The following HACL1 variants were observed in gnomAD, a reference collection of about 807,000 sequenced individuals.
HACL1 encodes the protein 1600020H07Rik.
Under a neutral mutation model 74.2 loss-of-function variants are expected in HACL1, and 64 were observed. The observed-to-expected ratio is 0.86, with a 90% CI of 0.70 to 1.06. The LOEUF (loss-of-function observed/expected upper bound fraction) is 1.06, where lower values mean the gene tolerates loss of function less well. HACL1 is among the 50% of genes least tolerant of loss of function. The pLI, the probability that HACL1 is intolerant of heterozygous loss-of-function variation, is 0.00. For missense variants in HACL1, 728 were observed against 719.7 expected (o/e 1.01, Z -0.13); for synonymous variants, 230 against 238.8 (o/e 0.96, Z 0.34).
At chr3:15,588,975 G>A (rs2063843587) in intron 5 of HACL1, among the ~76,000 whole-genome samples, 1 of 152,052 alleles carries the variant, frequency 6.6e-6, no homozygotes, top group African/African-American at 2.4e-5. Context: ...CCTATTTTCA[G>A]AGCTTAAAAT....
At chr3:15,561,878 C>T (rs997886663) in intron 16 of HACL1, among the ~76,000 whole-genome samples, 2 of 152,154 alleles carry the variant, frequency 1.3e-5, no homozygotes, top group Admixed American at 6.5e-5. Flanking sequence ...ACAGGTTTCA[C>T]CATGTTGGCC....
intron 13 of HACL1, 71 bp downstream of exon 13, chr3:15,568,361 C>T: frequency 5.5e-6 from 5 of 904,970 alleles, no homozygotes; most frequent in Middle Eastern, 2.3e-4. Context: ...TCTTCTTAAT[C>T]TGCACTATTA....
chr3:15,601,477 GCT>G lies in HACL1; in HGVS notation c.-16_-15del. 6.2e-7 allele frequency: 1 copy of G among 1,612,114 alleles called. No individual in the cohort carries two copies. The highest frequency in any genetic ancestry group is 1.1e-5 in the South Asian group (1 of 91,078). On this transcript the variant is annotated 5_prime_UTR_variant, in exon 1 of 17. Coordinates refer to ENST00000321169, the MANE Select transcript of HACL1 (RefSeq NM_012260.4). ...ACTGTCCGGCATCTTCCACCGAAAA[GCT>G]CTAAGCACTCACGCAGCCGGCAAAC...
chr3:15,560,878 C>T lies in HACL1; in HGVS notation c.1724G>A (p.Arg575His), dbSNP rs993720324. ...TGGCGTCTTTATTTACATATTAGAG[C>T]GGGTCAGCCAATGAAAATCCTAGAA... The part of the protein sequence containing the change: ...RKAQDFHWLT[R>H]SNM The change falls in exon 17 of 17, where the codon CGC becomes CAC. Residue 575 changes from arginine to histidine, a missense_variant. Physicochemically the swap from Arg to His is conservative, Grantham distance 29. Coordinates refer to ENST00000321169, the MANE Select transcript of HACL1 (RefSeq NM_012260.4). 4.5e-5 allele frequency: 73 copies of T among 1,606,314 alleles called. No homozygotes were observed. Among genetic ancestry groups the T allele is most frequent in the Admixed American group, 6.7e-5 (4 of 59,474 alleles).
At chr3:15,592,079 CGTATAT>C (rs201150558) in intron 3 of HACL1, among the ~76,000 whole-genome samples, 82 of 80,982 alleles carry the variant, frequency 1.0e-3, no homozygotes, top group African/African-American at 3.5e-3. Flanking sequence ...TATACGTATA[CGTATAT>C]ATACACACAC....
intron 7 of HACL1, among the ~76,000 whole-genome samples, chr3:15,584,119 A>G (rs2063754964): frequency 6.6e-6 from 1 of 152,200 alleles, no homozygotes; most frequent in Non-Finnish European, 1.5e-5. Flanking sequence ...ATTTAGACAT[A>G]TTGTCAAAAT....
In HACL1 at chr3:15,579,990, T is replaced by C. The variant is rs755458388; in HGVS notation, c.723A>G (p.Lys241=). Residue 241 remains lysine (K), a synonymous_variant, in exon 9 of 17, where the codon AAA becomes AAG. Coordinates refer to ENST00000321169, the MANE Select transcript of HACL1 (RefSeq NM_012260.4). ...CCATAGGGGTGGGCAAAAATGGCAGTTTATATTGCTCCACCAATTTCTTGA... is the reference window on the plus strand; with the variant it reads ...CCATAGGGGTGGGCAAAAATGGCAGCTTATATTGCTCCACCAATTTCTTGA... ...ESIKKLVEQY[K]LPFLPTPMGK... 1.2e-6 allele frequency: 2 copies of C among 1,609,318 alleles called. No homozygotes were observed. The highest frequency in any genetic ancestry group is 1.7e-5 in the Admixed American group (1 of 59,986).
chr3:15,564,668 G>A lies in HACL1; in HGVS notation c.1410-10C>T, dbSNP rs761964203. 6 of 1,103,912 alleles carry A rather than the reference G, an allele frequency of 5.4e-6. No individual in the cohort carries two copies. In the South Asian group the frequency reaches 8.1e-5, roughly 15 times the overall value. 68.4% of individuals were successfully genotyped at this position (1,103,912 alleles called of 1,614,324 possible). On this transcript the variant is annotated splice_polypyrimidine_tract_variant and intron_variant, in intron 14 of 16. Transcript: ENST00000321169. ...GATTGGCAAGTTGTACCTAAAGTGA[G>A]AGTAAAATATGAAGGAAATCATTCT...
At chr3:15,569,825 A>C (rs983682989) in intron 12 of HACL1, among the ~76,000 whole-genome samples, 9 of 151,432 alleles carry the variant, frequency 5.9e-5, no homozygotes, top group African/African-American at 2.2e-4. Context: ...CATCTCAAAA[A>C]AGAAAAAAAA....
intron 3 of HACL1, among the ~76,000 whole-genome samples, chr3:15,592,088 A>AGTGTG (rs1559560796): frequency 1.3e-4 from 18 of 136,090 alleles, no homozygotes; most frequent in African/African-American, 5.5e-4. Context: ...ACGTATATAT[A>AGTGTG]CACACACTAT....
Position 15,579,978 on chromosome 3 carries a change from C to T in HACL1, c.735G>A (p.Leu245=). 1 of 1,606,496 alleles carries T rather than the reference C, an allele frequency of 6.2e-7. No homozygotes were observed. The highest frequency in any genetic ancestry group is 1.1e-5 in the South Asian group (1 of 90,892). The change falls in exon 9 of 17, where the codon TTG becomes TTA. Residue 245 remains leucine (L), a synonymous_variant. Coordinates refer to ENST00000321169, the MANE Select transcript of HACL1 (RefSeq NM_012260.4). The part of the protein sequence containing the change: ...KLVEQYKLPF[L]PTPMGKGVVP... ...CAACACCCTTCCCCATAGGGGTGGGCAAAAATGGCAGTTTATATTGCTCCA... is the reference window on the plus strand; with the variant it reads ...CAACACCCTTCCCCATAGGGGTGGGTAAAAATGGCAGTTTATATTGCTCCA...
At chr3:15,592,343 G>C (rs1025810575) in intron 3 of HACL1, among the ~76,000 whole-genome samples, 2 of 138,010 alleles carry the variant, frequency 1.4e-5, no homozygotes, top group Admixed American at 7.0e-5. Context: ...CTGGGCACCA[G>C]AGTATACTCT....
intron 5 of HACL1, among the ~76,000 whole-genome samples, chr3:15,587,411 T>C (rs149765139): frequency 0.037 from 5,406 of 145,808 alleles, 148 homozygotes; most frequent in Non-Finnish European, 0.054. Context: ...GTATGAAATC[T>C]ATGAAAAGCT....
intron 9 of HACL1, among the ~76,000 whole-genome samples, chr3:15,579,157 T>C (rs2063679547): frequency 6.6e-6 from 1 of 152,190 alleles, no homozygotes; most frequent in South Asian, 2.1e-4. Flanking sequence ...CTACAGAGGA[T>C]TTTAATATGA....
intron 2 of HACL1, among the ~76,000 whole-genome samples, chr3:15,599,761 A>G (rs2064148760): frequency 6.6e-6 from 1 of 152,234 alleles, no homozygotes; most frequent in South Asian, 2.1e-4. Flanking sequence ...AGGACTGATC[A>G]ACGTGAAGAT....
intron 9 of HACL1, 74 bp from the exon 10 acceptor site, chr3:15,575,156 T>C (rs560672691): frequency 2.6e-6 from 2 of 774,720 alleles, no homozygotes; most frequent in African/African-American, 3.4e-5. Flanking sequence ...CTCTGAAGTA[T>C]TTGAAAAGTC....
Position 15,600,770 on chromosome 3 carries a change from C to A in HACL1, c.186+320G>T, listed in dbSNP as rs2064200422. On this transcript the variant is annotated intron_variant, in intron 2 of 16. Transcript: ENST00000321169. ...GGAGCTTGTAGCCTAATAGGGAAGT[C>A]AGACTTTACTCATAAACTGTCCATT... is the stretch of plus-strand genomic sequence containing the variant. 8.2e-6 allele frequency: 3 copies of A among 364,192 alleles called. No homozygotes were observed. The South Asian group carries it at 1.2e-4, about 14-fold the overall frequency. The allele number at this position is 364,192 out of a possible 1,614,324, so 22.6% of individuals were successfully genotyped here.
intron 9 of HACL1, among the ~76,000 whole-genome samples, chr3:15,577,805 A>C (rs2063651944): frequency 6.6e-6 from 1 of 151,854 alleles, no homozygotes; most frequent in Non-Finnish European, 1.5e-5. Context: ...CTCCAAAAAA[A>C]ACCCAAAAAC....
intron 9 of HACL1, 77 bp from the exon 10 acceptor site, chr3:15,575,159 G>A: frequency 1.3e-6 from 1 of 757,528 alleles, no homozygotes; most frequent in Non-Finnish European, 2.3e-6. Context: ...TGAAGTATTT[G>A]AAAAGTCTAA....
Sources: gnomAD v4.1 joint callset for allele counts (sites outside exome capture counted in the v4.1 genomes callset) on GRCh38, gnomAD v4.1.1 for gene constraint, MANE v1.5 for transcripts, NCBI Gene and HGNC (gene_info 2026-07-23, HGNC 2026-07-21) for gene names.